Variants in PRKAR1A observed in about 807,000 individuals in gnomAD.
PRKAR1A encodes cAMP-dependent protein kinase type I-alpha regulatory subunit.
A neutral mutation model predicts 52.0 loss-of-function variants in PRKAR1A; 3 were observed. That is an observed-to-expected ratio of 0.06 (90% CI 0.03 to 0.15). The LOEUF is 0.15. PRKAR1A is among the 10% of genes least tolerant of loss of function. PRKAR1A has a pLI of 1.00. For synonymous variants in PRKAR1A, 188 were observed against 168.4 expected (o/e 1.12, Z -0.90); for missense variants, 240 against 477.4 (o/e 0.50, Z 4.63).
upstream of PRKAR1A, among the ~76,000 whole-genome samples, chr17:68,509,126 T>C (rs1236188157): frequency 6.6e-6 from 1 of 152,222 alleles, no homozygotes; most frequent in Admixed American, 6.5e-5. Flanking sequence ...TCACTCATGT[T>C]TATTTTGCTT....
chr17:68,467,811 G>A, the PRKAR1A span, among the ~76,000 whole-genome samples: 1 of 152,168 alleles, frequency 6.6e-6, no homozygotes, highest in African/African-American at 2.4e-5. Context: ...ACTGGGATAT[G>A]ATTGCTTCCA....
the PRKAR1A span, among the ~76,000 whole-genome samples, chr17:68,444,850 C>T: frequency 1.3e-4 from 19 of 151,260 alleles, no homozygotes; most frequent in African/African-American, 4.1e-4. Flanking sequence ...TTCCTTCTTC[C>T]CTCCCTCCAT....
At chr17:68,480,188 C>A in the PRKAR1A span, among the ~76,000 whole-genome samples, 3 of 152,126 alleles carry the variant, frequency 2.0e-5, no homozygotes, top group Non-Finnish European at 4.4e-5. Flanking sequence ...CCCTTAGATT[C>A]TTTCTTTAAT....
chr17:68,457,737 T>C, the PRKAR1A span, among the ~76,000 whole-genome samples: 1 of 151,922 alleles, frequency 6.6e-6, no homozygotes, highest in Non-Finnish European at 1.5e-5. Context: ...CCGCCCCCCT[T>C]GGCCAATCCG....
chr17:68,499,306 C>A, the PRKAR1A span, among the ~76,000 whole-genome samples: 10 of 151,420 alleles, frequency 6.6e-5, no homozygotes, highest in Non-Finnish European at 1.0e-4. Context: ...CCCTCTTAAC[C>A]TATTCTTCCT....
the PRKAR1A span, among the ~76,000 whole-genome samples, chr17:68,445,542 C>A: frequency 6.6e-6 from 1 of 152,108 alleles, no homozygotes; most frequent in African/African-American, 2.4e-5. Context: ...CACGTCCCCA[C>A]TGTTCCTTCC....
rs1007165715 is a variant in PRKAR1A at position 68,548,688 on chromosome 17, T to C, written c.974-2396T>C. 8.9e-5 allele frequency among the ~76,000 whole-genome samples: 13 copies of C among 146,722 alleles called. 1 individual carries two copies. The South Asian group carries it at 1.5e-3, about 17-fold the overall frequency. On this transcript the variant is annotated intron_variant, in intron 11 of 11. Transcript: ENST00000585981. ...AAAACCTAGTATCTGCAAAGTACAA[T>C]AAAGTGAAACGCAGATACAGCGAGC...
chr17:68,528,175 A>G (rs2085850558), intron 8 of PRKAR1A, among the ~76,000 whole-genome samples: 1 of 152,242 alleles, frequency 6.6e-6, no homozygotes, highest in Non-Finnish European at 1.5e-5. Flanking sequence ...ATTTGCTGGC[A>G]TCCTCTGAAA....
chr17:68,437,948 T>TAAAAAAAAA, the PRKAR1A span, among the ~76,000 whole-genome samples: 48 of 78,794 alleles, frequency 6.1e-4, 1 homozygote, highest in African/African-American at 2.1e-3. Context: ...ACATCTCTCT[T>TAAAAAAAAA]AAAAAAAAAA....
rs2086021199 is a variant in PRKAR1A, at chr17:68,533,110, A to T, written c.*2661A>T. On this transcript the variant is annotated 3_prime_UTR_variant, in exon 11 of 11. Transcript: ENST00000589228. Reference sequence around the variant, plus strand: ...GGGGAAACATCATTTCTAGATTAGCATACTCTTTGGTTTAAATTTAATATA... The same window carrying T: ...GGGGAAACATCATTTCTAGATTAGCTTACTCTTTGGTTTAAATTTAATATA... 2 of 1,064,584 alleles carry T rather than the reference A, an allele frequency of 1.9e-6. No individual in the cohort carries two copies. The highest frequency in any genetic ancestry group is 1.1e-4 in the Admixed American group (2 of 18,730). The allele number at this position is 1,064,584 out of a possible 1,614,324, so 65.9% of individuals were successfully genotyped here. A position where few individuals can be genotyped will look rare whatever the true frequency, so the allele number is the denominator to read the frequency against.
chr17:68,422,793 ACT>A, the PRKAR1A span: 1 of 150,160 alleles, frequency 6.7e-6, no homozygotes, highest in Non-Finnish European at 1.5e-5. Context: ...TGATTTCCTG[ACT>A]CTTGCTCACA....
At chr17:68,455,969 C>G in the PRKAR1A span, among the ~76,000 whole-genome samples, 6 of 152,192 alleles carry the variant, frequency 3.9e-5, no homozygotes, top group Non-Finnish European at 8.8e-5. Flanking sequence ...AGGATTTTAT[C>G]TATACCAGCA....
chr17:68,533,479 G>T (rs988239255), downstream of PRKAR1A: 21 of 975,760 alleles, frequency 2.2e-5, no homozygotes, highest in African/African-American at 3.4e-4. Context: ...TCTCTAAACA[G>T]TGGCCCAAGT....
chr17:68,502,838 G>A, the PRKAR1A span, among the ~76,000 whole-genome samples: 1 of 151,280 alleles, frequency 6.6e-6, no homozygotes, highest in African/African-American at 2.4e-5. Flanking sequence ...AGAAAAAATT[G>A]GAAATCCATC....
At chr17:68,536,887 A>G (rs768997260), downstream of PRKAR1A, 2 of 453,970 alleles carry the variant, frequency 4.4e-6, no homozygotes, top group South Asian at 1.6e-5. Flanking sequence ...ACTTGTTATA[A>G]TATCTCTAAG....
At chr17:68,541,987 C>T in intron 11 of PRKAR1A, 1 of 1,613,176 alleles carries the variant, frequency 6.2e-7, no homozygotes, top group East Asian at 2.2e-5. Flanking sequence ...CAACTCACTC[C>T]TCTTTTCCTG....
chr17:68,420,164 G>T, the PRKAR1A span: 1 of 1,611,302 alleles, frequency 6.2e-7, no homozygotes, highest in South Asian at 1.1e-5. Context: ...GGTTAGCGAG[G>T]CATTTGTTGT....
At chr17:68,418,327 T>C in the PRKAR1A span, among the ~76,000 whole-genome samples, 1 of 152,206 alleles carries the variant, frequency 6.6e-6, no homozygotes, top group Non-Finnish European at 1.5e-5. Flanking sequence ...CTTAGGCAGA[T>C]CCCTCAGTCC....
downstream of PRKAR1A, chr17:68,537,542 C>G: frequency 6.2e-7 from 1 of 1,613,776 alleles, no homozygotes; most frequent in Non-Finnish European, 8.5e-7. The surrounding 1 kb of genome is among the most constrained non-coding windows in gnomAD (Gnocchi z 4.2). Context: ...TCGACTATGA[C>G]ACTCTGCTGT....
Sources: allele counts gnomAD v4.1 joint callset (sites outside exome capture counted in the v4.1 genomes callset), GRCh38; gene constraint gnomAD v4.1.1; non-coding constraint Gnocchi (gnomAD v3.1); transcripts MANE v1.5; gene names NCBI Gene and HGNC (gene_info 2026-07-23, HGNC 2026-07-21).